Variants in TPTE2 observed in about 807,000 individuals in gnomAD.
TPTE2 encodes phosphatidylinositol 3,4,5-trisphosphate 3-phosphatase TPTE2.
TPTE2 carries 53 observed loss-of-function variants against 78.6 expected under a neutral mutation model. The observed-to-expected ratio is 0.67, with a 90% CI of 0.54 to 0.85. The LOEUF is 0.85. Among genes scored for constraint, TPTE2 ranks in the 40% least tolerant of loss-of-function variants. TPTE2 has a pLI of 0.00. For synonymous variants in TPTE2, 175 were observed against 206.2 expected, an observed-to-expected ratio of 0.85 and a Z score of 1.30; for missense variants, 461 against 623.0, an observed-to-expected ratio of 0.74 and a Z score of 2.77.
chr13:19,427,488 G>GT (rs1338411113), intron 17 of TPTE2, among the ~76,000 whole-genome samples: 2 of 152,154 alleles, frequency 1.3e-5, no homozygotes, highest in African/African-American at 4.8e-5. Context: ...TGATTTTCAT[G>GT]TGTTAGGGCC....
intron 1 of TPTE2, among the ~76,000 whole-genome samples, chr13:19,510,198 A>G (rs1205696639): frequency 6.6e-6 from 1 of 152,174 alleles, no homozygotes; most frequent in Non-Finnish European, 1.5e-5. Flanking sequence ...CGATAGTCCA[A>G]ACTTTTGAAT....
At chr13:19,425,363 T>G (rs1875950101) in intron 18 of TPTE2, among the ~76,000 whole-genome samples, 2 of 152,234 alleles carry the variant, frequency 1.3e-5, no homozygotes, top group South Asian at 4.1e-4. Flanking sequence ...TGTAGTGAAT[T>G]CTTATAATTT....
chr13:19,556,700 C>A, the TPTE2 span, among the ~76,000 whole-genome samples: 1 of 152,008 alleles, frequency 6.6e-6, no homozygotes, highest in Non-Finnish European at 1.5e-5. Context: ...TAATTTTTTT[C>A]TATTTTTTAG....
chr13:19,556,758 A>G, the TPTE2 span, among the ~76,000 whole-genome samples: 1,055 of 152,272 alleles, frequency 6.9e-3, 13 homozygotes, highest in African/African-American at 0.024. Flanking sequence ...ACTCCTAGTC[A>G]CAAGCCATCC....
In TPTE2 at chr13:19,482,350, C is replaced by T. The variant is rs56838981; in HGVS notation, c.179+138G>A. 1.6e-3 allele frequency: 1,396 copies of T among 846,500 alleles called. 18 individuals are homozygous for T. In the African/African-American group the frequency reaches 0.023, roughly 14 times the overall value. The allele number at this position is 846,500 out of a possible 1,614,324, so 52.4% of individuals were successfully genotyped here. A position where few individuals can be genotyped will look rare whatever the true frequency, so the allele number is the denominator to read the frequency against. The stretch of plus-strand genomic sequence containing the variant: ...TCTAAGAATTCAACTGGAGTAAATA[C>T]GGTGTACCCTCCCACCATACATTTT... On this transcript the variant is annotated intron_variant, in intron 4 of 19. Transcript: ENST00000400230.
At chr13:19,557,092 A>G in the TPTE2 span, among the ~76,000 whole-genome samples, 3 of 152,212 alleles carry the variant, frequency 2.0e-5, no homozygotes, top group Admixed American at 2.0e-4. Flanking sequence ...CCTCTTCTAG[A>G]CAGTAAGCTG....
chr13:19,467,699 T>C (rs1315731269), intron 6 of TPTE2, among the ~76,000 whole-genome samples: 1 of 152,312 alleles, frequency 6.6e-6, no homozygotes, highest in East Asian at 1.9e-4. Flanking sequence ...AATTACACTC[T>C]TTCAGTCATT....
At chr13:19,537,888 A>C (rs1166068263), upstream of TPTE2, among the ~76,000 whole-genome samples, 1 of 152,184 alleles carries the variant, frequency 6.6e-6, no homozygotes, top group African/African-American at 2.4e-5. Flanking sequence ...TACAGGTGTG[A>C]GCCACCATAC....
upstream of TPTE2, among the ~76,000 whole-genome samples, chr13:19,504,675 T>G (rs572890153): frequency 6.6e-6 from 1 of 152,256 alleles, no homozygotes; most frequent in African/African-American, 2.4e-5. Flanking sequence ...TTTTTTGCCC[T>G]GTTCCTTTTT....
At chr13:19,443,516 G>C (rs920573451) in intron 13 of TPTE2, among the ~76,000 whole-genome samples, 1 of 150,548 alleles carries the variant, frequency 6.6e-6, no homozygotes, top group Non-Finnish European at 1.5e-5. Context: ...AGTGATTCTC[G>C]TGCCTCAGCC....
chr13:19,454,388 T>C (rs1878403382), intron 10 of TPTE2, among the ~76,000 whole-genome samples: 1 of 152,230 alleles, frequency 6.6e-6, no homozygotes, highest in South Asian at 2.1e-4. Flanking sequence ...TTCTCAAATA[T>C]GACAGAGACA....
chr13:19,457,182 C>A (rs1327573682), intron 10 of TPTE2, among the ~76,000 whole-genome samples: 1 of 152,036 alleles, frequency 6.6e-6, no homozygotes, highest in East Asian at 1.9e-4. Context: ...CAGTCATAGA[C>A]CAATATATTG....
chr13:19,451,668 A>C (rs1878191244), intron 10 of TPTE2, among the ~76,000 whole-genome samples: 1 of 152,160 alleles, frequency 6.6e-6, no homozygotes, highest in Non-Finnish European at 1.5e-5. Context: ...TAAATGCAAA[A>C]AGTATATAGC....
chr13:19,549,248 C>T, the TPTE2 span, among the ~76,000 whole-genome samples: 1 of 151,978 alleles, frequency 6.6e-6, no homozygotes, highest in Admixed American at 6.6e-5. Flanking sequence ...AAAATATCTG[C>T]AAACTATGCA....
At chr13:19,479,602 T>C (rs1880200289) in intron 4 of TPTE2, among the ~76,000 whole-genome samples, 2 of 152,080 alleles carry the variant, frequency 1.3e-5, no homozygotes, top group Non-Finnish European at 2.9e-5. Context: ...TGAGAAATAC[T>C]CTCAGATAAC....
At chr13:19,529,841 CTT>C (rs1226402125) in intron 1 of TPTE2, among the ~76,000 whole-genome samples, 2 of 152,148 alleles carry the variant, frequency 1.3e-5, no homozygotes, top group African/African-American at 4.8e-5. Flanking sequence ...CATTTTGAAA[CTT>C]TGTTTCTCTG....
chr13:19,556,902 T>C, the TPTE2 span, among the ~76,000 whole-genome samples: 1 of 106,106 alleles, frequency 9.4e-6, no homozygotes, highest in Non-Finnish European at 2.3e-5. Flanking sequence ...TTGATTTTAC[T>C]AGTAAACCAA....
At chr13:19,470,074 A>G (rs369203459) in intron 6 of TPTE2, among the ~76,000 whole-genome samples, 1 of 152,166 alleles carries the variant, frequency 6.6e-6, no homozygotes, top group African/African-American at 2.4e-5. Context: ...GTTGAACAAC[A>G]GTGGTAAAAG....
chr13:19,560,346 C>T, the TPTE2 span: 22 of 1,586,178 alleles, frequency 1.4e-5, no homozygotes, highest in African/African-American at 1.1e-4. Context: ...GCAGCCGCCG[C>T]ACCAGTTGCA....
Sources: allele counts gnomAD v4.1 joint callset (sites outside exome capture counted in the v4.1 genomes callset), GRCh38; gene constraint gnomAD v4.1.1; transcripts MANE v1.5; gene names NCBI Gene and HGNC (gene_info 2026-07-23, HGNC 2026-07-21).